PIGP: variants seen among roughly 807,000 people sequenced by gnomAD.
The protein encoded by PIGP is phosphatidylinositol glycan anchor biosynthesis class P, also known as phosphatidylinositol N-acetylglucosaminyltransferase subunit P.
A neutral mutation model predicts 16.9 loss-of-function variants in PIGP; 12 were observed. That is an observed-to-expected ratio of 0.71 (90% CI 0.46 to 1.15). The LOEUF is 1.15. PIGP is among the 50% of genes most tolerant of loss of function. The probability of loss-of-function intolerance (pLI) is 0.00; values close to 1 mark genes in which losing one functional copy is unlikely to be tolerated. For synonymous variants in PIGP, 57 were observed against 54.7 expected (o/e 1.04, Z -0.18); for missense variants, 159 against 153.5 (o/e 1.04, Z -0.19).
intron 2 of PIGP, chr21:37,072,110 A>T: frequency 2.3e-6 from 2 of 883,130 alleles, no homozygotes; most frequent in Non-Finnish European, 2.0e-6. Context: ...GTGCTCCCTG[A>T]CACTCATCAC....
chr21:37,066,805 G>GT (rs2069911122), intron 4 of PIGP, among the ~76,000 whole-genome samples: 1 of 152,092 alleles, frequency 6.6e-6, no homozygotes, highest in Admixed American at 6.5e-5. Flanking sequence ...TATACTTGTG[G>GT]TTTTTATGGG....
intron 1 of PIGP, 60 bp from the exon 2 acceptor site, chr21:37,072,597 C>T (rs772741815): frequency 1.9e-6 from 3 of 1,608,202 alleles, no homozygotes; most frequent in Non-Finnish European, 8.5e-7. Flanking sequence ...TTGATCCATT[C>T]TCGCCTCCTC....
intron 3 of PIGP, chr21:37,069,313 G>A (rs201965740): frequency 3.6e-5 from 9 of 253,074 alleles, no homozygotes; most frequent in African/African-American, 2.1e-4. Context: ...TTTTTTTCCT[G>A]TAGGGTCATT....
At chr21:37,066,864 C>A (rs2069911796) in intron 4 of PIGP, among the ~76,000 whole-genome samples, 1 of 152,178 alleles carries the variant, frequency 6.6e-6, no homozygotes, top group Non-Finnish European at 1.5e-5. Flanking sequence ...TTTATTTCCT[C>A]CATGAATATA....
At chr21:37,072,024 A>G (rs1382823479) in intron 2 of PIGP, 2 of 747,792 alleles carry the variant, frequency 2.7e-6, no homozygotes, top group Non-Finnish European at 5.0e-6. Context: ...CTCTTTCCTA[A>G]TCAGCATCAG....
At chr21:37,066,521 G>T (rs1198185793) in intron 4 of PIGP, among the ~76,000 whole-genome samples, 1 of 152,150 alleles carries the variant, frequency 6.6e-6, no homozygotes, top group Non-Finnish European at 1.5e-5. Context: ...TTACTTTCTA[G>T]AATTTAAGCA....
Position 37,072,558 on chromosome 21 carries a change from C to T in PIGP, c.-22-21G>A, listed in dbSNP as rs760112626. 6.2e-7 allele frequency: 1 copy of T among 1,614,100 alleles called. No homozygotes were observed. Among genetic ancestry groups the T allele is most frequent in the African/African-American group, 1.3e-5 (1 of 74,956 alleles). On this transcript the variant is annotated intron_variant, in intron 1 of 4. Transcript: ENST00000360525. ...ACAATCTGTGGAAAAGGAACACAAT[C>T]AGCGTCAGCGATGTGCTCCGTGGCA...
At chr21:37,067,750 T>G (rs1481849105) in intron 3 of PIGP, among the ~76,000 whole-genome samples, 1 of 152,240 alleles carries the variant, frequency 6.6e-6, no homozygotes, top group Non-Finnish European at 1.5e-5. Context: ...TCTTCTATAC[T>G]TACATTGCAA....
At chr21:37,070,902 AC>A (rs1411148129) in intron 2 of PIGP, among the ~76,000 whole-genome samples, 13 of 152,194 alleles carry the variant, frequency 8.5e-5, no homozygotes, top group African/African-American at 3.1e-4. Flanking sequence ...AGCTGGAGTT[AC>A]AGGCATGCGC....
chr21:37,072,662 C>T (rs1160066833), intron 1 of PIGP, 125 bp from the exon 2 acceptor site: 25 of 1,526,060 alleles, frequency 1.6e-5, no homozygotes, highest in Non-Finnish European at 8.9e-7. Flanking sequence ...CGCCTCCGTC[C>T]GCAACCCGCG....
At position 37,065,456 on chromosome 21, in the gene PIGP, A is replaced by T. The variant is rs1053039572; in HGVS notation, c.*126T>A. The T allele has an allele frequency of 1.3e-6, 1 of 799,728 alleles. No homozygotes were observed. Among genetic ancestry groups the T allele is most frequent in the Middle Eastern group, 3.7e-4 (1 of 2,732 alleles). 49.5% of individuals were successfully genotyped at this position (799,728 alleles called of 1,614,324 possible). Reference sequence around the variant, plus strand: ...TATTCATTGAACATAATCTAAGAGAAGGTCAACTTACATTTTTTACTTCTC... The same window carrying T: ...TATTCATTGAACATAATCTAAGAGATGGTCAACTTACATTTTTTACTTCTC... On this transcript the variant is annotated 3_prime_UTR_variant, in exon 5 of 5. Coordinates refer to ENST00000360525, the MANE Select transcript of PIGP (RefSeq NM_153682.3).
chr21:37,071,303 A>C (rs928289556), intron 2 of PIGP, among the ~76,000 whole-genome samples: 40 of 152,240 alleles, frequency 2.6e-4, no homozygotes, highest in African/African-American at 9.2e-4. Context: ...CAAATTTAGA[A>C]GGCTTTTATT....
In PIGP at chr21:37,065,614, G is replaced by A. The variant is rs773940754; in HGVS notation, c.373C>T (p.Leu125Phe). 8.7e-6 allele frequency: 14 copies of A among 1,613,130 alleles called. No homozygotes were observed. In the South Asian group the frequency reaches 1.3e-4, roughly 15 times the overall value. ...SISEVNQMFFLAAKELYTKN is the reference protein window; with the variant it reads ...SISEVNQMFFFAAKELYTKN Reference sequence around the variant, plus strand: ...TTGGTGTAAAGTTCTTTGGCTGCAAGAAAGAACATTTGGTTTACTTCACTA... The same window carrying A: ...TTGGTGTAAAGTTCTTTGGCTGCAAAAAAGAACATTTGGTTTACTTCACTA... The change falls in exon 5 of 5, where the codon CTT (leucine) becomes TTT (phenylalanine). Residue 125 changes from leucine (L) to phenylalanine (F), a missense_variant. Transcript: ENST00000360525.
At position 37,071,299 on chromosome 21, in the gene PIGP, TAGA is replaced by T. The variant is rs1371925483; in HGVS notation, c.82+1132_82+1134del. Among the ~76,000 whole-genome samples the T allele has an allele frequency of 2.0e-5, 3 of 152,242 alleles. No individual in the cohort carries two copies. In the East Asian group the frequency reaches 5.8e-4, roughly 29 times the overall value. On this transcript the variant is annotated intron_variant, in intron 2 of 4. Coordinates refer to ENST00000360525, the MANE Select transcript of PIGP (RefSeq NM_153682.3). Reference sequence around the variant, plus strand: ...CAGCCAGTGTATTTGGGTTCAAATTTAGAAGGCTTTTATTTAGTAGCTTTGCAA... The same window carrying T: ...CAGCCAGTGTATTTGGGTTCAAATTTAGGCTTTTATTTAGTAGCTTTGCAA...
At chr21:37,069,736 T>C (rs1459725219) in intron 2 of PIGP, 112 bp from the exon 3 acceptor site, 2 of 638,586 alleles carry the variant, frequency 3.1e-6, no homozygotes, top group Non-Finnish European at 5.2e-6. Flanking sequence ...GAAGTGTCCC[T>C]GATTAACTCA....
intron 2 of PIGP, among the ~76,000 whole-genome samples, chr21:37,071,205 T>C (rs569310942): frequency 5.3e-5 from 8 of 152,350 alleles, no homozygotes; most frequent in Admixed American, 2.6e-4. Context: ...CTAGGCATTA[T>C]TTTACGTGCT....
chr21:37,070,923 G>A (rs1233761510), intron 2 of PIGP, among the ~76,000 whole-genome samples: 3 of 152,130 alleles, frequency 2.0e-5, no homozygotes, highest in Admixed American at 6.5e-5. Flanking sequence ...CCACCATCCC[G>A]GCTAATTTTG....
intron 2 of PIGP, among the ~76,000 whole-genome samples, chr21:37,071,793 T>C (rs1183469245): frequency 1.3e-5 from 2 of 152,112 alleles, no homozygotes; most frequent in African/African-American, 4.8e-5. Flanking sequence ...CATATTAGTG[T>C]CTTAGTGAGC....
At chr21:37,072,283 C>A in intron 2 of PIGP, 151 bp downstream of exon 2, 3 of 1,607,456 alleles carry the variant, frequency 1.9e-6, no homozygotes, top group Non-Finnish European at 2.5e-6. Context: ...ACGGAACACT[C>A]AGCAAACACG....
Sources: allele counts gnomAD v4.1 joint callset (sites outside exome capture counted in the v4.1 genomes callset), GRCh38; gene constraint gnomAD v4.1.1; transcripts MANE v1.5; gene names NCBI Gene and HGNC (gene_info 2026-07-23, HGNC 2026-07-21).